RNGTT: variants seen among roughly 807,000 people sequenced by gnomAD.
RNGTT encodes mRNA-capping enzyme.
RNGTT carries 33 observed loss-of-function variants against 79.3 expected under a neutral mutation model. That is an observed-to-expected ratio of 0.42 (90% CI 0.32 to 0.56). The LOEUF is 0.56. Among genes scored for constraint, RNGTT ranks in the 20% least tolerant of loss-of-function variants. The pLI is 0.17. For synonymous variants in RNGTT, 222 were observed against 235.9 expected, an observed-to-expected ratio of 0.94 and a Z score of 0.54; for missense variants, 497 against 739.1, an observed-to-expected ratio of 0.67 and a Z score of 3.80.
At chr6:88,929,960 A>ATG (rs532629250) in intron 2 of RNGTT, among the ~76,000 whole-genome samples, 136 of 150,302 alleles carry the variant, frequency 9.0e-4, no homozygotes, top group African/African-American at 2.9e-3. Flanking sequence ...ACACGTATAT[A>ATG]CATATGTATA....
chr6:88,741,098 A>C (rs1382987025), intron 13 of RNGTT, among the ~76,000 whole-genome samples: 1 of 152,178 alleles, frequency 6.6e-6, no homozygotes, highest in African/African-American at 2.4e-5. Context: ...CTTACTGGGT[A>C]TATATCTAAA....
rs75629615 is a variant in RNGTT at position 88,624,905 on chromosome 6, C to A, written c.1507-10510G>T. On this transcript the variant is annotated intron_variant, in intron 14 of 15. Coordinates refer to ENST00000369485, the MANE Select transcript of RNGTT (RefSeq NM_003800.5). ...CAAACAACTAAATTTAAAAAATGGG[C>A]AAAAGATTTGAACAGACACTTTACC... is the stretch of plus-strand genomic sequence containing the variant. 7.0e-3 allele frequency among the ~76,000 whole-genome samples: 1,058 copies of A among 151,732 alleles called. 29 individuals carry two copies. In the East Asian group the frequency reaches 0.091, roughly 13 times the overall value.
intron 4 of RNGTT, among the ~76,000 whole-genome samples, chr6:88,924,678 TTGTTTTA>T (rs1207351350): frequency 6.6e-6 from 1 of 151,992 alleles, no homozygotes; most frequent in East Asian, 1.9e-4. Context: ...TTTGTTGTTG[TTGTTTTA>T]TGTTTTATTT....
intron 13 of RNGTT, among the ~76,000 whole-genome samples, chr6:88,737,641 C>T (rs550809358): frequency 6.6e-6 from 1 of 152,236 alleles, no homozygotes; most frequent in African/African-American, 2.4e-5. Flanking sequence ...TAAGAAAAGA[C>T]AGCAGAGAGT....
chr6:88,662,824 G>T (rs529195675), intron 14 of RNGTT, among the ~76,000 whole-genome samples: 8 of 152,352 alleles, frequency 5.3e-5, no homozygotes, highest in African/African-American at 1.4e-4. Context: ...CACCGGGAAG[G>T]AATCGGCGAT....
intron 1 of RNGTT, among the ~76,000 whole-genome samples, chr6:88,960,270 A>G (rs1329041182): frequency 6.6e-6 from 1 of 152,268 alleles, no homozygotes; most frequent in African/African-American, 2.4e-5. Flanking sequence ...GCTAAATAAA[A>G]TGACTTCAAA....
chr6:88,859,931 G>C (rs1033331130), intron 8 of RNGTT, among the ~76,000 whole-genome samples: 1 of 152,144 alleles, frequency 6.6e-6, no homozygotes, highest in African/African-American at 2.4e-5. Context: ...TAAAAGGGTG[G>C]ACTCGAACTG....
intron 1 of RNGTT, among the ~76,000 whole-genome samples, chr6:88,951,874 T>C (rs1785261167): frequency 6.6e-6 from 1 of 151,976 alleles, no homozygotes; most frequent in Non-Finnish European, 1.5e-5. Flanking sequence ...GAAAAAAGCT[T>C]CCAAATGAAA....
At chr6:88,871,229 A>G (rs901817541) in intron 8 of RNGTT, among the ~76,000 whole-genome samples, 4 of 152,194 alleles carry the variant, frequency 2.6e-5, no homozygotes, top group Admixed American at 1.3e-4. Context: ...TATAAAAGCA[A>G]AACTTTCAAA....
intron 2 of RNGTT, among the ~76,000 whole-genome samples, chr6:88,932,066 G>A (rs2127954983): frequency 6.6e-6 from 1 of 152,146 alleles, no homozygotes; most frequent in Admixed American, 6.5e-5. Flanking sequence ...GCCAAAAACA[G>A]GTAAGAGAAA....
At chr6:88,727,657 CATA>C (rs1377619455) in intron 13 of RNGTT, among the ~76,000 whole-genome samples, 1 of 152,070 alleles carries the variant, frequency 6.6e-6, no homozygotes, top group Non-Finnish European at 1.5e-5. Context: ...GTATAAAAAT[CATA>C]CAGGAAGCAT....
At chr6:88,926,310 TCTC>T (rs1033745510) in intron 4 of RNGTT, among the ~76,000 whole-genome samples, 19 of 152,108 alleles carry the variant, frequency 1.2e-4, no homozygotes, top group African/African-American at 3.4e-4. Context: ...GAAAGAAAAA[TCTC>T]CTCATTACTC....
chr6:88,787,765 GA>G (rs1779280311), intron 12 of RNGTT, among the ~76,000 whole-genome samples: 1 of 152,126 alleles, frequency 6.6e-6, no homozygotes, highest in Non-Finnish European at 1.5e-5. Flanking sequence ...AAGAGGCAAT[GA>G]ATGACAAACT....
intron 13 of RNGTT, among the ~76,000 whole-genome samples, chr6:88,716,805 C>A (rs1042534849): frequency 6.6e-6 from 1 of 151,944 alleles, no homozygotes; most frequent in African/African-American, 2.4e-5. Context: ...CATCACACAC[C>A]GAGGCCTGTT....
chr6:88,758,239 C>T (rs9451074), intron 13 of RNGTT, among the ~76,000 whole-genome samples: 1 of 152,112 alleles, frequency 6.6e-6, no homozygotes, highest in Non-Finnish European at 1.5e-5. Flanking sequence ...TTAATAATTA[C>T]AATTTTTGAT....
chr6:88,735,507 C>T (rs576929231), intron 13 of RNGTT, among the ~76,000 whole-genome samples: 30 of 145,762 alleles, frequency 2.1e-4, no homozygotes, highest in African/African-American at 5.3e-4. Flanking sequence ...AACAGAAAGA[C>T]GCTGGAAAAT....
At chr6:88,704,260 A>AAAAAAAC (rs1491144894) in intron 13 of RNGTT, among the ~76,000 whole-genome samples, 3,303 of 36,222 alleles carry the variant, frequency 0.091, 369 homozygotes, top group African/African-American at 0.29. Context: ...ACTCTGTCTC[A>AAAAAAAC]AAAAAAAAAA....
rs540829302 is a variant in RNGTT at position 88,732,615 on chromosome 6, T to C, written c.1439+37159A>G. 3.9e-5 allele frequency among the ~76,000 whole-genome samples: 6 copies of C among 152,312 alleles called. No homozygotes were observed. The East Asian group carries it at 7.7e-4, about 20-fold the overall frequency. ...AATGTGGAAGCAGCCTGAGTGTGCA[T>C]TGACAAATGAATAAGTAAAATGTGG... is the stretch of plus-strand genomic sequence containing the variant. On this transcript the variant is annotated intron_variant, in intron 13 of 15. Coordinates refer to ENST00000369485, the MANE Select transcript of RNGTT (RefSeq NM_003800.5).
intron 12 of RNGTT, among the ~76,000 whole-genome samples, chr6:88,772,842 A>G (rs1465932761): frequency 6.6e-6 from 1 of 152,066 alleles, no homozygotes; most frequent in Non-Finnish European, 1.5e-5. Flanking sequence ...GAGGATGTGG[A>G]AAAATAGGAA....
Sources: allele counts gnomAD v4.1 joint callset (sites outside exome capture counted in the v4.1 genomes callset), GRCh38; gene constraint gnomAD v4.1.1; transcripts MANE v1.5; gene names NCBI Gene and HGNC (gene_info 2026-07-23, HGNC 2026-07-21).